The following RALYL variants were observed in gnomAD, a reference collection of about 807,000 sequenced individuals.
RALYL encodes the protein RALY RNA binding protein like, also known as RNA-binding Raly-like protein.
RALYL carries 29 observed loss-of-function variants against 35.1 expected under a neutral mutation model. The observed-to-expected ratio is 0.83, with a 90% CI of 0.61 to 1.13. The LOEUF (loss-of-function observed/expected upper bound fraction) is 1.13. RALYL is among the 50% of genes most tolerant of loss of function. RALYL has a pLI of 0.00. For synonymous variants in RALYL, 120 were observed against 127.6 expected, an observed-to-expected ratio of 0.94 and a Z score of 0.40; for missense variants, 359 against 360.4, an observed-to-expected ratio of 1.00 and a Z score of 0.03.
chr8:84,617,108 G>C (rs368709113), intron 2 of RALYL, among the ~76,000 whole-genome samples: 3 of 150,222 alleles, frequency 2.0e-5, no homozygotes, highest in African/African-American at 7.5e-5. Context: ...CTTTAAAGTA[G>C]TTTTTTCCAA....
At chr8:84,730,017 T>G (rs1236572629) in intron 2 of RALYL, among the ~76,000 whole-genome samples, 2 of 152,102 alleles carry the variant, frequency 1.3e-5, no homozygotes, top group Non-Finnish European at 2.9e-5. Flanking sequence ...AGAGGGAATC[T>G]TCCCTAACTC....
At chr8:84,756,242 A>G (rs1811386233) in intron 2 of RALYL, among the ~76,000 whole-genome samples, 1 of 152,138 alleles carries the variant, frequency 6.6e-6, no homozygotes, top group Non-Finnish European at 1.5e-5. Flanking sequence ...CCGAATTTCT[A>G]AGCAAAGAAA....
chr8:84,417,531 C>CT (rs76609893), intron 1 of RALYL, among the ~76,000 whole-genome samples: 631 of 146,470 alleles, frequency 4.3e-3, no homozygotes, highest in Middle Eastern at 0.018. Flanking sequence ...GCCCTATAGT[C>CT]TTTTTTTTTT....
intron 2 of RALYL, among the ~76,000 whole-genome samples, chr8:84,772,372 A>T (rs1158453539): frequency 6.6e-6 from 1 of 152,074 alleles, no homozygotes; most frequent in East Asian, 1.9e-4. Context: ...CAGCTTGTCA[A>T]GCTTCAGGCA....
intron 4 of RALYL, among the ~76,000 whole-genome samples, chr8:84,841,920 T>A (rs1368244711): frequency 6.6e-6 from 1 of 152,152 alleles, no homozygotes; most frequent in African/African-American, 2.4e-5. Flanking sequence ...TTGAAACCAA[T>A]GAGAACAAAG....
At chr8:84,866,020 A>T (rs1455807592) in intron 6 of RALYL, among the ~76,000 whole-genome samples, 2 of 152,238 alleles carry the variant, frequency 1.3e-5, no homozygotes, top group Admixed American at 6.5e-5. Flanking sequence ...AAATAATATT[A>T]ATACTCAGCA....
intron 1 of RALYL, among the ~76,000 whole-genome samples, chr8:84,516,284 TTAA>T (rs2058057181): frequency 1.3e-5 from 2 of 151,902 alleles, no homozygotes; most frequent in African/African-American, 2.4e-5. Context: ...ATCCATGCAC[TTAA>T]TAAGAAAAAT....
chr8:84,895,074 G>A (rs1042861928), intron 8 of RALYL, among the ~76,000 whole-genome samples: 3 of 152,290 alleles, frequency 2.0e-5, no homozygotes, highest in Middle Eastern at 3.4e-3. Context: ...TTGGCACAGA[G>A]TAGGCATTTT....
At chr8:84,750,346 A>G (rs887984596) in intron 2 of RALYL, among the ~76,000 whole-genome samples, 3 of 152,186 alleles carry the variant, frequency 2.0e-5, no homozygotes, top group Non-Finnish European at 2.9e-5. Context: ...CATTAGTCTG[A>G]ACGCAACCTA....
At chr8:84,541,765 A>G (rs2135259804) in intron 2 of RALYL, among the ~76,000 whole-genome samples, 1 of 152,216 alleles carries the variant, frequency 6.6e-6, no homozygotes, top group South Asian at 2.1e-4. Context: ...GAATTGGTGT[A>G]TCTTCCTAAT....
At chr8:84,708,292 T>C (rs1841560765) in intron 2 of RALYL, among the ~76,000 whole-genome samples, 1 of 152,106 alleles carries the variant, frequency 6.6e-6, no homozygotes, top group Non-Finnish European at 1.5e-5. Flanking sequence ...TGTGGGGCTT[T>C]GAAATTCATT....
At chr8:84,185,826 G>T (rs1366947725) in intron 1 of RALYL, among the ~76,000 whole-genome samples, 1 of 152,150 alleles carries the variant, frequency 6.6e-6, no homozygotes, top group Non-Finnish European at 1.5e-5. Flanking sequence ...TGACAAAGGG[G>T]TTTATAACAT....
At chr8:84,372,320 C>T (rs866749867) in intron 1 of RALYL, among the ~76,000 whole-genome samples, 14 of 152,034 alleles carry the variant, frequency 9.2e-5, no homozygotes, top group Admixed American at 3.3e-4. Context: ...GGCACACATT[C>T]ACCTACATTC....
At chr8:84,209,907 C>T (rs190760182) in intron 1 of RALYL, among the ~76,000 whole-genome samples, 74 of 152,262 alleles carry the variant, frequency 4.9e-4, no homozygotes, top group African/African-American at 1.3e-3. Flanking sequence ...CAGGATACTG[C>T]TTCTATGTAT....
chr8:84,452,480 T>C (rs1430695970), intron 1 of RALYL, among the ~76,000 whole-genome samples: 1 of 151,926 alleles, frequency 6.6e-6, no homozygotes, highest in African/African-American at 2.4e-5. Flanking sequence ...TTTCTTTTTG[T>C]CTATATTAGG....
rs11990767 is a variant in RALYL, at chr8:84,205,026, G to A, written c.-24+20602G>A. On this transcript the variant is annotated intron_variant, in intron 1 of 8. Coordinates refer to ENST00000521268, the MANE Select transcript of RALYL (RefSeq NM_173848.7). Reference sequence around the variant, plus strand: ...TAGCAGAGCTAAAACTTAAGCCCAGGTCTGATTCTGAAATCTTCTAACTCT... The same window carrying A: ...TAGCAGAGCTAAAACTTAAGCCCAGATCTGATTCTGAAATCTTCTAACTCT... Among the ~76,000 whole-genome samples, 770 of 152,172 alleles carry A rather than the reference G, an allele frequency of 5.1e-3. 5 individuals carry two copies. Among genetic ancestry groups the A allele is most frequent in the African/African-American group, 0.017 (724 of 41,502 alleles).
At position 84,437,995 on chromosome 8, in the gene RALYL, G is replaced by T. The variant is rs576772082; in HGVS notation, c.-23-91304G>T. 2.1e-4 allele frequency among the ~76,000 whole-genome samples: 32 copies of T among 152,250 alleles called. No homozygotes were observed. In the East Asian group the frequency reaches 4.1e-3, roughly 19 times the overall value. On this transcript the variant is annotated intron_variant, in intron 1 of 8. Coordinates refer to ENST00000521268, the MANE Select transcript of RALYL (RefSeq NM_173848.7). ...ATTTCTTTATAGCAATGCAAGAACA[G>T]CCTAATGCAATTAGTGATGTTGAAC...
chr8:84,537,423 G>A (rs1408158254), intron 2 of RALYL, among the ~76,000 whole-genome samples: 1 of 150,602 alleles, frequency 6.6e-6, no homozygotes, highest in African/African-American at 2.4e-5. Context: ...GCTACAGTGA[G>A]CTGTGATCAT....
intron 5 of RALYL, among the ~76,000 whole-genome samples, chr8:84,858,198 G>T (rs563178760): frequency 6.6e-6 from 1 of 152,040 alleles, no homozygotes; most frequent in Non-Finnish European, 1.5e-5. Context: ...AGGGTACATA[G>T]AAAATAGAAA....
Sources: allele counts gnomAD v4.1 joint callset (sites outside exome capture counted in the v4.1 genomes callset), GRCh38; gene constraint gnomAD v4.1.1; transcripts MANE v1.5; gene names NCBI Gene and HGNC (gene_info 2026-07-23, HGNC 2026-07-21).